RXFP1: variants seen among roughly 807,000 people sequenced by gnomAD.
RXFP1 encodes the protein relaxin family peptide receptor 1, also known as relaxin receptor 1.
RXFP1 carries 73 observed loss-of-function variants against 89.8 expected under a neutral mutation model. The observed-to-expected ratio is 0.81, with a 90% confidence interval of 0.67 to 0.99. The LOEUF (loss-of-function observed/expected upper bound fraction) is 0.99, where lower values mean the gene tolerates loss of function less well. RXFP1 is among the 50% of genes least tolerant of loss of function. RXFP1 has a pLI of 0.00. For missense variants in RXFP1, 793 were observed against 895.5 expected, an observed-to-expected ratio of 0.89 and a Z score of 1.46; for synonymous variants, 277 against 305.5, an observed-to-expected ratio of 0.91 and a Z score of 0.97.
chr4:158,615,507 G>T (rs1187240885), intron 8 of RXFP1, among the ~76,000 whole-genome samples: 1 of 151,772 alleles, frequency 6.6e-6, no homozygotes, highest in Admixed American at 6.6e-5. Flanking sequence ...TTGCACTCCA[G>T]CCTGGGCAAC....
intron 3 of RXFP1, among the ~76,000 whole-genome samples, chr4:158,597,247 A>T (rs1213370043): frequency 2.0e-5 from 3 of 152,192 alleles, no homozygotes. Context: ...TGACTAGAAT[A>T]ATGTGAGGAA....
intron 1 of RXFP1, chr4:158,543,713 C>T (rs1747435448): frequency 2.3e-5 from 22 of 959,636 alleles, no homozygotes; most frequent in Non-Finnish European, 2.6e-5. Context: ...ATCTTCTCTC[C>T]CTAGTACTTC....
intron 1 of RXFP1, among the ~76,000 whole-genome samples, chr4:158,548,672 C>T (rs1394167087): frequency 2.0e-5 from 3 of 152,110 alleles, no homozygotes; most frequent in Non-Finnish European, 2.9e-5. Flanking sequence ...TCAACATTTG[C>T]TTGTCTGTAA....
chr4:158,550,314 G>GGGTAGAAGTGATCCAA (rs1283755108), intron 1 of RXFP1, among the ~76,000 whole-genome samples: 5 of 152,224 alleles, frequency 3.3e-5, no homozygotes, highest in Admixed American at 3.3e-4. Flanking sequence ...CACAGTATTA[G>GGGTAGAAGTGATCCAA]GGTAGAAGTG....
chr4:158,530,082 T>C (rs554621645), intron 1 of RXFP1, among the ~76,000 whole-genome samples: 76 of 152,298 alleles, frequency 5.0e-4, no homozygotes, highest in African/African-American at 1.8e-3. Flanking sequence ...TTTCCTGTAG[T>C]TGCAGCCATT....
Position 158,638,077 on chromosome 4 carries a change from T to G in RXFP1, c.1041T>G (p.Ser347=), listed in dbSNP as rs779553808. ...TTGATTATCTTGTCAAACTCAAGTC[T>G]CTGTAAGTATTCACATATGGGGATA... The part of the protein sequence containing the change: ...NQFDYLVKLK[S]LSLEGIEISN... Residue 347 remains serine (S), a splice_region_variant and synonymous_variant, in exon 13 of 18, where the codon TCT becomes TCG. Transcript: ENST00000307765. The G allele has an allele frequency of 5.8e-5, 92 of 1,572,722 alleles. 1 individual carries two copies. Among genetic ancestry groups the G allele is most frequent in the Non-Finnish European group, 7.6e-5 (87 of 1,144,356 alleles).
intron 1 of RXFP1, among the ~76,000 whole-genome samples, chr4:158,522,449 G>T (rs963597262): frequency 6.6e-6 from 1 of 152,142 alleles, no homozygotes; most frequent in African/African-American, 2.4e-5. Flanking sequence ...TATCATAGGT[G>T]TGCTTCTGGG....
intron 9 of RXFP1, 123 bp downstream of exon 9, chr4:158,617,328 A>T: frequency 3.3e-6 from 2 of 600,484 alleles, no homozygotes; most frequent in South Asian, 2.8e-5. Context: ...ATCATATCAC[A>T]TTTCCTCAAA....
Position 158,521,987 on chromosome 4 carries a change from G to A in RXFP1, c.11G>A (p.Gly4Asp), listed in dbSNP as rs749861074. The A allele has an allele frequency of 6.2e-7, 1 of 1,608,844 alleles. No homozygotes were observed. The highest frequency in any genetic ancestry group is 8.5e-7 in the Non-Finnish European group (1 of 1,176,590). Residue 4 changes from glycine (G) to aspartate (D), a missense_variant, in exon 1 of 18, where the codon GGT becomes GAT. Physicochemically the swap from Gly to Asp is moderately conservative, Grantham distance 94. Coordinates refer to ENST00000307765, the MANE Select transcript of RXFP1 (RefSeq NM_021634.4). ...CTCAGATAGAAGGAAATGACATCTG[G>A]TTCTGTCTTCTTCTACATCTTAATT... MTSGSVFFYILIFG... is the reference protein window; with the variant it reads MTSDSVFFYILIFG...
At chr4:158,556,312 G>A (rs7671410) in intron 1 of RXFP1, among the ~76,000 whole-genome samples, 4,814 of 151,000 alleles carry the variant, frequency 0.032, 245 homozygotes, top group African/African-American at 0.11. Flanking sequence ...ACAGATATAT[G>A]AAAAAATACT....
At chr4:158,611,097 T>C (rs1299653174) in intron 6 of RXFP1, among the ~76,000 whole-genome samples, 1 of 152,176 alleles carries the variant, frequency 6.6e-6, no homozygotes, top group Non-Finnish European at 1.5e-5. Context: ...AAACATAATA[T>C]GTACTGAATG....
chr4:158,599,238 C>G, intron 3 of RXFP1, 88 bp from the exon 4 acceptor site: 1 of 1,584,176 alleles, frequency 6.3e-7, no homozygotes, highest in Non-Finnish European at 8.6e-7. Context: ...AAATGATTTT[C>G]TCATAGCTTT....
chr4:158,544,611 C>T (rs1436398770), intron 1 of RXFP1, among the ~76,000 whole-genome samples: 8 of 151,972 alleles, frequency 5.3e-5, no homozygotes, highest in Non-Finnish European at 1.2e-4. Flanking sequence ...CCCTACCCCC[C>T]AACAGTCCCT....
chr4:158,547,365 T>G (rs935754932), intron 1 of RXFP1, among the ~76,000 whole-genome samples: 4 of 152,096 alleles, frequency 2.6e-5, no homozygotes, highest in African/African-American at 9.6e-5. Context: ...TCTTGCTAGC[T>G]GTCTATCAAT....
chr4:158,638,055 A>G lies in RXFP1; in HGVS notation c.1019A>G (p.Asp340Gly). 6.2e-7 allele frequency: 1 copy of G among 1,604,214 alleles called. No homozygotes were observed. Among genetic ancestry groups the G allele is most frequent in the Non-Finnish European group, 8.5e-7 (1 of 1,171,978 alleles). Residue 340 changes from aspartate to glycine, a missense_variant, in exon 13 of 18, where the codon GAT becomes GGT. Transcript: ENST00000307765. ...CAGAAAATTCAAGCAAACCAATTTGATTATCTTGTCAAACTCAAGTCTCTG... is the reference window on the plus strand; with the variant it reads ...CAGAAAATTCAAGCAAACCAATTTGGTTATCTTGTCAAACTCAAGTCTCTG... ...PIQKIQANQF[D>G]YLVKLKSLSL...
At chr4:158,559,348 G>A (rs1751959744) in intron 1 of RXFP1, among the ~76,000 whole-genome samples, 1 of 152,102 alleles carries the variant, frequency 6.6e-6, no homozygotes, top group African/African-American at 2.4e-5. Flanking sequence ...TGCAAAAACT[G>A]ATGTACCTTC....
At chr4:158,588,967 C>T (rs1188047979) in intron 2 of RXFP1, among the ~76,000 whole-genome samples, 4 of 152,176 alleles carry the variant, frequency 2.6e-5, no homozygotes, top group South Asian at 2.1e-4. Context: ...TCCGCTCTCA[C>T]GCTGCTATGA....
At chr4:158,585,116 T>C (rs536217398) in intron 2 of RXFP1, among the ~76,000 whole-genome samples, 1 of 152,352 alleles carries the variant, frequency 6.6e-6, no homozygotes, top group Non-Finnish European at 1.5e-5. Context: ...ATCTAGACGA[T>C]CTAGACAGTC....
intron 1 of RXFP1, among the ~76,000 whole-genome samples, chr4:158,543,027 G>GT (rs1427056734): frequency 6.6e-6 from 1 of 152,074 alleles, no homozygotes; most frequent in African/African-American, 2.4e-5. Flanking sequence ...TAGTAACTGG[G>GT]TAACAAAATA....
Sources: gnomAD v4.1 joint callset for allele counts (sites outside exome capture counted in the v4.1 genomes callset) on GRCh38, gnomAD v4.1.1 for gene constraint, MANE v1.5 for transcripts, NCBI Gene and HGNC (gene_info 2026-07-23, HGNC 2026-07-21) for gene names.